Variants in MPPED2 observed in about 807,000 individuals in gnomAD.
MPPED2 encodes the protein metallophosphoesterase domain containing 2, also known as metallophosphoesterase MPPED2.
In MPPED2, 5 loss-of-function variants were observed where a neutral mutation model predicts 33.0. The ratio of observed to expected loss-of-function variants is 0.15; its 90% CI spans 0.08 to 0.32. MPPED2 has a LOEUF of 0.32. Among genes scored for constraint, MPPED2 ranks in the 10% least tolerant of loss-of-function variants. The pLI, the probability that MPPED2 is intolerant of heterozygous loss-of-function variation, is 1.00. For missense variants in MPPED2, 275 were observed against 372.1 expected, an observed-to-expected ratio of 0.74 and a Z score of 2.15; for synonymous variants, 136 against 141.9, an observed-to-expected ratio of 0.96 and a Z score of 0.29.
chr11:30,522,813 C>G (rs1477617684), intron 3 of MPPED2, among the ~76,000 whole-genome samples: 1 of 152,226 alleles, frequency 6.6e-6, no homozygotes, highest in African/African-American at 2.4e-5. Context: ...TGCCACATAT[C>G]TCTGATGAGT....
intron 4 of MPPED2, chr11:30,441,544 G>A (rs1034474422): frequency 2.0e-5 from 3 of 152,166 alleles, no homozygotes; most frequent in African/African-American, 4.8e-5. Flanking sequence ...ATAATCTTGT[G>A]GTAGTGACTT....
intron 4 of MPPED2, among the ~76,000 whole-genome samples, chr11:30,478,012 T>C (rs1307298300): frequency 6.6e-6 from 1 of 152,094 alleles, no homozygotes; most frequent in East Asian, 1.9e-4. Flanking sequence ...AAATGGTTTC[T>C]CCTGCCCAAA....
At chr11:30,410,025 A>G, downstream of MPPED2, 1 of 829,374 alleles carries the variant, frequency 1.2e-6, no homozygotes, top group Non-Finnish European at 1.5e-6. Context: ...TGATGGAAGG[A>G]AAGAGTACAC....
At chr11:30,453,721 A>G (rs79322879) in intron 4 of MPPED2, among the ~76,000 whole-genome samples, 4,001 of 151,836 alleles carry the variant, frequency 0.026, 152 homozygotes, top group Admixed American at 0.082. Flanking sequence ...CACTGATAAG[A>G]TCAAGCAAAG....
intron 3 of MPPED2, among the ~76,000 whole-genome samples, chr11:30,523,621 C>CTTTTTT (rs755853042): frequency 3.8e-5 from 4 of 104,596 alleles, no homozygotes; most frequent in Admixed American, 1.0e-4. Context: ...AGCAACACAT[C>CTTTTTT]TTTTTTTTTT....
intron 3 of MPPED2, among the ~76,000 whole-genome samples, chr11:30,512,227 C>G (rs556896155): frequency 6.6e-6 from 1 of 152,146 alleles, no homozygotes. Flanking sequence ...GGGTCCCCTT[C>G]CAGGGTCATT....
At chr11:30,584,705 C>A in intron 1 of MPPED2, 1 of 152,638 alleles carries the variant, frequency 6.6e-6, no homozygotes, top group Non-Finnish European at 1.5e-5. Context: ...CGTTGGCATC[C>A]CCGAACCCAC....
intron 2 of MPPED2, among the ~76,000 whole-genome samples, chr11:30,560,425 G>T (rs1165841793): frequency 6.6e-6 from 1 of 151,878 alleles, no homozygotes; most frequent in Non-Finnish European, 1.5e-5. Flanking sequence ...AGCAGAAGTT[G>T]TCACAAACGA....
chr11:30,472,751 G>C (rs12362588), intron 4 of MPPED2, among the ~76,000 whole-genome samples: 2,767 of 152,288 alleles, frequency 0.018, 38 homozygotes, highest in South Asian at 0.029. Flanking sequence ...GTTACTCGGG[G>C]CTGGGTAAGA....
At chr11:30,507,820 G>A (rs1419748092) in intron 3 of MPPED2, among the ~76,000 whole-genome samples, 1 of 152,072 alleles carries the variant, frequency 6.6e-6, no homozygotes, top group African/African-American at 2.4e-5. Flanking sequence ...TGCTTTTATG[G>A]CTTTATCCCA....
intron 3 of MPPED2, among the ~76,000 whole-genome samples, chr11:30,524,572 T>C (rs1954063426): frequency 6.6e-6 from 1 of 152,124 alleles, no homozygotes; most frequent in Non-Finnish European, 1.5e-5. Context: ...ATTAAATGAG[T>C]TAATGCAGGT....
intron 4 of MPPED2, among the ~76,000 whole-genome samples, chr11:30,491,744 T>G (rs1951991787): frequency 6.6e-6 from 1 of 152,218 alleles, no homozygotes; most frequent in African/African-American, 2.4e-5. Context: ...TGCAGACATT[T>G]CTAAATCGAT....
chr11:30,410,140 T>C, downstream of MPPED2: 1 of 985,338 alleles, frequency 1.0e-6, no homozygotes, highest in Non-Finnish European at 1.2e-6. Flanking sequence ...TGAAAGGCAT[T>C]ACTGATGTTG....
chr11:30,407,649 G>T (rs536139033), downstream of MPPED2, among the ~76,000 whole-genome samples: 16 of 152,264 alleles, frequency 1.1e-4, no homozygotes, highest in Admixed American at 8.5e-4. Context: ...AGGCAGGCGG[G>T]TCACCTGAGC....
Position 30,456,304 on chromosome 11 carries a change from A to G in MPPED2, c.537-38671T>C, listed in dbSNP as rs1950275863. Among the ~76,000 whole-genome samples, 2 of 152,190 alleles carry G rather than the reference A, an allele frequency of 1.3e-5. 1 individual carries two copies. Among genetic ancestry groups the G allele is most frequent in the South Asian group, 4.1e-4 (2 of 4,834 alleles). Reference sequence around the variant, plus strand: ...TTAGATGGATGTGGGTTCAAAGAAAAGGGGTTTGAGTAGGACACATATCCT... The same window carrying G: ...TTAGATGGATGTGGGTTCAAAGAAAGGGGGTTTGAGTAGGACACATATCCT... On this transcript the variant is annotated intron_variant, in intron 4 of 6. Transcript: ENST00000358117.
chr11:30,448,417 C>T (rs1949907633), intron 4 of MPPED2, among the ~76,000 whole-genome samples: 1 of 152,164 alleles, frequency 6.6e-6, no homozygotes, highest in Non-Finnish European at 1.5e-5. Flanking sequence ...ACCTAGAAGC[C>T]TCACTCCCTA....
chr11:30,394,098 A>G (rs776142076), intron 6 of MPPED2, among the ~76,000 whole-genome samples: 5 of 152,178 alleles, frequency 3.3e-5, no homozygotes, highest in Non-Finnish European at 5.9e-5. Context: ...TGTGTGTACC[A>G]ATAGTTTGTT....
chr11:30,585,385 G>A (rs986447176), intron 1 of MPPED2, among the ~76,000 whole-genome samples: 2 of 151,850 alleles, frequency 1.3e-5, no homozygotes, highest in African/African-American at 4.8e-5. Context: ...CGGCGCGCGC[G>A]GGCGGCCCCG....
At position 30,450,620 on chromosome 11, in the gene MPPED2, G is replaced by T. The variant is rs571844618; in HGVS notation, c.537-32987C>A. Among the ~76,000 whole-genome samples, 40 of 152,284 alleles carry T rather than the reference G, an allele frequency of 2.6e-4. No individual in the cohort carries two copies. The South Asian group carries it at 8.1e-3, about 31-fold the overall frequency. On this transcript the variant is annotated intron_variant, in intron 4 of 6. Coordinates refer to ENST00000358117, the MANE Select transcript of MPPED2 (RefSeq NM_001584.3). ...GGATAAGCAATATGGCCACTCCTAGGTGCTTCTAAACACCCTATAAACAAA... is the reference window on the plus strand; with the variant it reads ...GGATAAGCAATATGGCCACTCCTAGTTGCTTCTAAACACCCTATAAACAAA...
Sources: allele counts gnomAD v4.1 joint callset (sites outside exome capture counted in the v4.1 genomes callset), GRCh38; gene constraint gnomAD v4.1.1; transcripts MANE v1.5; gene names NCBI Gene and HGNC (gene_info 2026-07-23, HGNC 2026-07-21).